CD38: variants seen among roughly 807,000 people sequenced by gnomAD.
CD38 encodes the protein CD38 molecule.
CD38 carries 31 observed loss-of-function variants against 36.3 expected under a neutral mutation model. The observed-to-expected ratio is 0.85, with a 90% CI of 0.64 to 1.15. CD38 has a LOEUF of 1.15. CD38 is among the 50% of genes most tolerant of loss of function. The probability of loss-of-function intolerance (pLI) is 0.00; values close to 1 mark genes in which losing one functional copy is unlikely to be tolerated. For synonymous variants in CD38, 131 were observed against 135.2 expected (o/e 0.97, Z 0.22); for missense variants, 380 against 371.9 (o/e 1.02, Z -0.18).
chr4:15,784,261 C>A (rs1722764178), intron 1 of CD38, among the ~76,000 whole-genome samples: 1 of 152,212 alleles, frequency 6.6e-6, no homozygotes, highest in African/African-American at 2.4e-5. Flanking sequence ...CATGGAGATG[C>A]AGACGTGCCC....
At chr4:15,804,611 T>C (rs1030546768) in intron 1 of CD38, among the ~76,000 whole-genome samples, 6 of 152,114 alleles carry the variant, frequency 3.9e-5, no homozygotes, top group Admixed American at 2.0e-4. Flanking sequence ...AATCCTATCA[T>C]TGGTGGCAAC....
intron 1 of CD38, among the ~76,000 whole-genome samples, chr4:15,784,654 G>C (rs888985816): frequency 3.3e-5 from 5 of 152,188 alleles, no homozygotes; most frequent in Admixed American, 1.3e-4. Context: ...CTGAGACCAT[G>C]AGATTCAGTA....
intron 2 of CD38, among the ~76,000 whole-genome samples, chr4:15,822,236 A>G (rs990427964): frequency 3.9e-5 from 6 of 152,184 alleles, no homozygotes; most frequent in African/African-American, 1.4e-4. Flanking sequence ...AAGCAATATC[A>G]TACTGAGTGG....
intron 3 of CD38, among the ~76,000 whole-genome samples, chr4:15,829,738 C>T (rs1419297856): frequency 6.6e-6 from 1 of 152,198 alleles, no homozygotes; most frequent in African/African-American, 2.4e-5. Context: ...CCCACAATGT[C>T]TTGCTACACT....
At chr4:15,837,343 T>TG (rs1724091383) in intron 4 of CD38, among the ~76,000 whole-genome samples, 1 of 151,456 alleles carries the variant, frequency 6.6e-6, no homozygotes, top group East Asian at 1.9e-4. Flanking sequence ...AGAGGCCATG[T>TG]TTTTTTTTAA....
chr4:15,835,363 CTTTTTTTTTTTTTTTTTTTT>C (rs35143834), intron 4 of CD38, among the ~76,000 whole-genome samples: 6 of 57,668 alleles, frequency 1.0e-4, no homozygotes, highest in African/African-American at 2.4e-4. Flanking sequence ...GACAGGAATA[CTTTTTTTTTTTTTTTTTTTT>C]TTTTTTTTTT....
At chr4:15,796,498 C>A (rs921988124) in intron 1 of CD38, among the ~76,000 whole-genome samples, 2 of 152,050 alleles carry the variant, frequency 1.3e-5, no homozygotes, top group Non-Finnish European at 2.9e-5. Context: ...CTGAAATGTT[C>A]ATGGAATAGT....
chr4:15,834,064 T>C (rs929307899), intron 3 of CD38, among the ~76,000 whole-genome samples, 153 bp from the exon 4 acceptor site: 8 of 152,166 alleles, frequency 5.3e-5, no homozygotes, highest in Non-Finnish European at 1.0e-4. Context: ...GGACACTTAG[T>C]TAAATTGGGT....
At chr4:15,827,594 A>G (rs1025228935) in intron 3 of CD38, among the ~76,000 whole-genome samples, 3 of 152,020 alleles carry the variant, frequency 2.0e-5, no homozygotes, top group Admixed American at 6.6e-5. Context: ...CCTTTTAACA[A>G]TGACTGTTTT....
At chr4:15,834,665 G>T (rs2148927046) in intron 4 of CD38, among the ~76,000 whole-genome samples, 1 of 152,320 alleles carries the variant, frequency 6.6e-6, no homozygotes, top group Non-Finnish European at 1.5e-5. Context: ...GGCAGGTACG[G>T]TCCTCAGATC....
intron 1 of CD38, among the ~76,000 whole-genome samples, chr4:15,780,534 A>ACACACACACACACACACGCG (rs1722671825): frequency 3.5e-5 from 5 of 144,172 alleles, no homozygotes; most frequent in African/African-American, 1.4e-4. Context: ...ACACACACAC[A>ACACACACACACACACACGCG]CACACACACA....
intron 1 of CD38, among the ~76,000 whole-genome samples, chr4:15,793,623 A>G (rs1458200817): frequency 1.3e-5 from 2 of 152,202 alleles, no homozygotes; most frequent in African/African-American, 4.8e-5. Flanking sequence ...AGTGTTTGAT[A>G]CCTTAATTAA....
Position 15,779,000 on chromosome 4 carries a change from C to T in CD38, c.233+353C>T, listed in dbSNP as rs1722628595. On this transcript the variant is annotated intron_variant, in intron 1 of 7. Transcript: ENST00000226279. The surrounding 1 kb of genome is among the most constrained non-coding windows in gnomAD (Gnocchi z 4.9). ...CCCTCGGCGCGCTCAGCCCGCTTCA[C>T]CGCTTCAGGGACGGAATAGAACTCG... Among the ~76,000 whole-genome samples, 1 of 152,242 alleles carries T rather than the reference C, an allele frequency of 6.6e-6. No individual in the cohort carries two copies. Among genetic ancestry groups the T allele is most frequent in the Admixed American group, 6.5e-5 (1 of 15,292 alleles).
At chr4:15,820,375 C>T (rs1723705752) in intron 2 of CD38, among the ~76,000 whole-genome samples, 1 of 152,036 alleles carries the variant, frequency 6.6e-6, no homozygotes. Flanking sequence ...GGCTAAATGT[C>T]CCAACTAAAA....
Position 15,851,849 on chromosome 4 carries a change from G to C in CD38, c.*3247G>C, listed in dbSNP as rs1016382476. ...ATGGTCTAACCTACTACACACCCAG[G>C]CTACATGGTATCACCTATTCCTCCT... On this transcript the variant is annotated 3_prime_UTR_variant, in exon 8 of 8. Coordinates refer to ENST00000226279, the MANE Select transcript of CD38 (RefSeq NM_001775.4). 2 of 152,180 alleles carry C rather than the reference G, an allele frequency of 1.3e-5. No homozygotes were observed. Among genetic ancestry groups the C allele is most frequent in the African/African-American group, 4.8e-5 (2 of 41,438 alleles). 9.4% of individuals were successfully genotyped at this position (152,180 alleles called of 1,614,324 possible). A position where few individuals can be genotyped will look rare whatever the true frequency, so the allele number is the denominator to read the frequency against.
At chr4:15,827,432 C>G (rs1047831084) in intron 3 of CD38, among the ~76,000 whole-genome samples, 6 of 151,758 alleles carry the variant, frequency 4.0e-5, no homozygotes, top group Non-Finnish European at 4.4e-5. Flanking sequence ...GTATTTTCAC[C>G]TACTATTTTT....
At chr4:15,822,362 G>C (rs1723755957) in intron 2 of CD38, among the ~76,000 whole-genome samples, 1 of 152,076 alleles carries the variant, frequency 6.6e-6, no homozygotes, top group African/African-American at 2.4e-5. Context: ...GCAAGAGAAA[G>C]AAATAAAGTC....
At chr4:15,795,971 G>A (rs996147975) in intron 1 of CD38, among the ~76,000 whole-genome samples, 1 of 152,004 alleles carries the variant, frequency 6.6e-6, no homozygotes, top group South Asian at 2.1e-4. Context: ...AAAGTTATTT[G>A]TGAATTTGGC....
rs148055256 is a variant in CD38 at position 15,826,405 on chromosome 4, G to A, written c.499+1389G>A. Among the ~76,000 whole-genome samples the A allele has an allele frequency of 5.8e-3, 869 of 150,934 alleles. 2 individuals are homozygous for A. Among genetic ancestry groups the A allele is most frequent in the Middle Eastern group, 0.034 (10 of 294 alleles). Reference sequence around the variant, plus strand: ...TAAGAATCCTATTAATGGATATTAAGTTGCTTTAGTTTTGGTTGCTATTAT... The same window carrying A: ...TAAGAATCCTATTAATGGATATTAAATTGCTTTAGTTTTGGTTGCTATTAT... On this transcript the variant is annotated intron_variant, in intron 3 of 7. Transcript: ENST00000226279.
Sources: gnomAD v4.1 joint callset for allele counts (sites outside exome capture counted in the v4.1 genomes callset) on GRCh38, gnomAD v4.1.1 for gene constraint, Gnocchi (gnomAD v3.1) non-coding constraint, MANE v1.5 for transcripts, NCBI Gene and HGNC (gene_info 2026-07-23, HGNC 2026-07-21) for gene names.